The following ZNF354A variants were observed in gnomAD, a reference collection of about 807,000 sequenced individuals.
ZNF354A encodes the protein epididymis luminal protein 104.
In ZNF354A, 25 loss-of-function variants were observed where a neutral mutation model predicts 53.3. The observed-to-expected ratio is 0.47, with a 90% CI of 0.34 to 0.66. The LOEUF is 0.66. Ranked by LOEUF, ZNF354A falls within the 30% of genes least tolerant of loss-of-function variation. The pLI is 0.01. For synonymous variants in ZNF354A, 228 were observed against 249.0 expected (o/e 0.92, Z 0.79); for missense variants, 586 against 716.8 (o/e 0.82, Z 2.08).
At chr5:178,724,781 G>A (rs1447624701) in intron 4 of ZNF354A, among the ~76,000 whole-genome samples, 1 of 152,134 alleles carries the variant, frequency 6.6e-6, no homozygotes, top group Non-Finnish European at 1.5e-5. Flanking sequence ...ATAAATGGTG[G>A]CGTCCTAACA....
intron 4 of ZNF354A, among the ~76,000 whole-genome samples, chr5:178,721,640 G>A (rs771486388): frequency 1.2e-4 from 18 of 152,164 alleles, no homozygotes; most frequent in Non-Finnish European, 1.9e-4. Context: ...CTGTGTGGAC[G>A]TACCACAGTT....
Position 178,728,782 on chromosome 5 carries a change from C to CAAAAAAAAAAAAAAAAAAA in ZNF354A, c.33+207_33+208insTTTTTTTTTTTTTTTTTTT, listed in dbSNP as rs1157233878. Among the ~76,000 whole-genome samples the CAAAAAAAAAAAAAAAAAAA allele has an allele frequency of 1.0e-3, 53 of 50,858 alleles. 4 individuals are homozygous for CAAAAAAAAAAAAAAAAAAA. The highest frequency in any genetic ancestry group is 3.3e-3 in the African/African-American group (35 of 10,656). 33.4% of individuals were successfully genotyped at this position (50,858 alleles called of 152,430 possible). ...ACTGCCTGGGCGACAAAGCGAGATT[C>CAAAAAAAAAAAAAAAAAAA]AAAAAAAAAAAAAAAAAAGAGAACC... On this transcript the variant is annotated intron_variant, in intron 2 of 4. Transcript: ENST00000335815.
chr5:178,725,526 T>TA, intron 3 of ZNF354A, 55 bp from the exon 4 acceptor site: 1 of 1,553,358 alleles, frequency 6.4e-7, no homozygotes, highest in South Asian at 1.1e-5. Context: ...TTTGTATTGA[T>TA]ACAGTTATCC....
At chr5:178,713,988 T>G (rs1467522417) in intron 4 of ZNF354A, among the ~76,000 whole-genome samples, 2 of 151,770 alleles carry the variant, frequency 1.3e-5, no homozygotes, top group Non-Finnish European at 2.9e-5. Context: ...TTTTTTGTTT[T>G]TTTTTTTTGA....
chr5:178,723,476 C>T (rs1297981044), intron 4 of ZNF354A, among the ~76,000 whole-genome samples: 1 of 152,242 alleles, frequency 6.6e-6, no homozygotes, highest in Non-Finnish European at 1.5e-5. Flanking sequence ...ACCTTCTCCT[C>T]GCTGGCTTTG....
chr5:178,727,442 G>A (rs1462521025), intron 2 of ZNF354A, among the ~76,000 whole-genome samples: 1 of 152,096 alleles, frequency 6.6e-6, no homozygotes, highest in African/African-American at 2.4e-5. Context: ...ACTCTTTAAA[G>A]TACCAATTAC....
At chr5:178,714,731 CAT>C (rs1368175777) in intron 4 of ZNF354A, among the ~76,000 whole-genome samples, 4 of 152,074 alleles carry the variant, frequency 2.6e-5, no homozygotes, top group African/African-American at 7.3e-5. Flanking sequence ...CAAATATGCA[CAT>C]GTGTTATACA....
chr5:178,723,669 T>C (rs1425495313), intron 4 of ZNF354A, among the ~76,000 whole-genome samples: 3 of 152,052 alleles, frequency 2.0e-5, no homozygotes, highest in Admixed American at 6.5e-5. Context: ...TTGTGTGCAA[T>C]GAGTGTGTTC....
At chr5:178,726,137 C>T (rs1393470477) in intron 3 of ZNF354A, 10 of 454,956 alleles carry the variant, frequency 2.2e-5, no homozygotes, top group South Asian at 4.7e-5. Context: ...CCACCGCGCC[C>T]GGCCTATGTG....
Position 178,713,314 on chromosome 5 carries a change from T to G in ZNF354A, c.564A>C (p.Lys188Asn). ...QILPREKTPPKCEIQGNSLKQ... is the reference protein window; with the variant it reads ...QILPREKTPPNCEIQGNSLKQ... Reference sequence around the variant, plus strand: ...TGAGGCTGTTTCCTTGTATTTCACATTTTGGTGGTGTTTTTTCTCTGGGAA... The same window carrying G: ...TGAGGCTGTTTCCTTGTATTTCACAGTTTGGTGGTGTTTTTTCTCTGGGAA... Residue 188 changes from lysine to asparagine, a missense_variant, in exon 5 of 5, where the codon AAA (lysine) becomes AAC (asparagine). Lys to Asn is a moderately conservative substitution (Grantham distance 94, BLOSUM62 0). This residue lies in a region of ZNF354A where 573 missense variants were observed against 680.1 expected (regional missense o/e 0.84). Coordinates refer to ENST00000335815, the MANE Select transcript of ZNF354A (RefSeq NM_005649.3). The G allele has an allele frequency of 6.2e-7, 1 of 1,614,146 alleles. No individual in the cohort carries two copies. Among genetic ancestry groups the G allele is most frequent in the South Asian group, 1.1e-5 (1 of 91,088 alleles).
intron 1 of ZNF354A, among the ~76,000 whole-genome samples, chr5:178,729,827 G>A (rs186377795): frequency 1.3e-5 from 2 of 151,322 alleles, no homozygotes; most frequent in East Asian, 3.9e-4. Context: ...GATTACAGGC[G>A]TGAGCCACCA....
chr5:178,729,992 T>C (rs1195869338), intron 1 of ZNF354A, among the ~76,000 whole-genome samples: 1 of 151,948 alleles, frequency 6.6e-6, no homozygotes, highest in Non-Finnish European at 1.5e-5. Context: ...GCCTCACAAG[T>C]AGCTGGGACT....
In ZNF354A at chr5:178,711,954, A is replaced by C. The variant is rs556321024; in HGVS notation, c.*106T>G. 7.1e-7 allele frequency: 1 copy of C among 1,406,790 alleles called. No homozygotes were observed. Among genetic ancestry groups the C allele is most frequent in the South Asian group, 1.5e-5 (1 of 66,100 alleles). 87.1% of individuals were successfully genotyped at this position (1,406,790 alleles called of 1,614,324 possible). Reference sequence around the variant, plus strand: ...GGAATTAAATACCTAATGAGGGCTAAATTATTACAGTTTTTTTCACATCCA... The same window carrying C: ...GGAATTAAATACCTAATGAGGGCTACATTATTACAGTTTTTTTCACATCCA... On this transcript the variant is annotated 3_prime_UTR_variant, in exon 5 of 5. Transcript: ENST00000335815.
chr5:178,716,833 C>G (rs983932167), intron 4 of ZNF354A, among the ~76,000 whole-genome samples: 4 of 151,974 alleles, frequency 2.6e-5, no homozygotes, highest in African/African-American at 9.7e-5. Flanking sequence ...AATCCTAGCA[C>G]TTTGGGAGGC....
At chr5:178,728,200 C>G (rs1765949927) in intron 2 of ZNF354A, among the ~76,000 whole-genome samples, 1 of 152,086 alleles carries the variant, frequency 6.6e-6, no homozygotes, top group African/African-American at 2.4e-5. Context: ...TAATTCAAAT[C>G]CAGCAGATGT....
At chr5:178,721,538 A>C (rs192391623) in intron 4 of ZNF354A, among the ~76,000 whole-genome samples, 43 of 152,322 alleles carry the variant, frequency 2.8e-4, no homozygotes, top group Admixed American at 1.8e-3. Context: ...CTTAGATAAC[A>C]GTACTAACTG....
chr5:178,712,182 T>C lies in ZNF354A; in HGVS notation c.1696A>G (p.Ile566Val), dbSNP rs112356791. 3.1e-6 allele frequency: 5 copies of C among 1,614,124 alleles called. No individual in the cohort carries two copies. The South Asian group carries it at 5.5e-5, about 18-fold the overall frequency. ...CCAGTATGAATTCTCTGATGTGCAA[T>C]ACGTGATGAGCTTTGTCTAAAAGTT... ...GKTFRQSSSR[I>V]AHQRIHTGEK... is the part of the protein sequence containing the mutation. Residue 566 changes from isoleucine to valine, a missense_variant, in exon 5 of 5, where the codon ATT (isoleucine) becomes GTT (valine). Ile to Val is a conservative substitution (Grantham distance 29). Around this residue, in one of 2 missense-constraint regions of ZNF354A, gnomAD observed 573 missense variants for 680.1 expected, o/e 0.84. Coordinates refer to ENST00000335815, the MANE Select transcript of ZNF354A (RefSeq NM_005649.3).
chr5:178,723,180 C>A (rs56027952), intron 4 of ZNF354A, among the ~76,000 whole-genome samples: 35,125 of 152,244 alleles, frequency 0.23, 4,668 homozygotes, highest in South Asian at 0.35. Flanking sequence ...AAAAATCTCA[C>A]CTTTCTTCAG....
rs768675853 is a variant in ZNF354A, at chr5:178,712,968, C to T, written c.910G>A (p.Gly304Ser). The change falls in exon 5 of 5, where the codon GGT (glycine) becomes AGT (serine). Residue 304 changes from glycine (G) to serine (S), a missense_variant. Coordinates refer to ENST00000335815, the MANE Select transcript of ZNF354A (RefSeq NM_005649.3). Reference sequence around the variant, plus strand: ...CCTGACCTTCGGCTGAAGGATTTACCACATTCTTTACATCTGTAGGATTTC... The same window carrying T: ...CCTGACCTTCGGCTGAAGGATTTACTACATTCTTTACATCTGTAGGATTTC... ...VEKSYRCKEC[G>S]KSFSRRSGLF... 10 of 1,613,830 alleles carry T rather than the reference C, an allele frequency of 6.2e-6. No individual in the cohort carries two copies. Among genetic ancestry groups the T allele is most frequent in the Non-Finnish European group, 1.7e-6 (2 of 1,180,014 alleles).
Sources: allele counts gnomAD v4.1 joint callset (sites outside exome capture counted in the v4.1 genomes callset), GRCh38; gene constraint gnomAD v4.1.1; regional missense constraint gnomAD v4.1.1; transcripts MANE v1.5; gene names NCBI Gene and HGNC (gene_info 2026-07-23, HGNC 2026-07-21).